The following EHMT1 variants were observed in gnomAD, a reference collection of about 807,000 sequenced individuals.
The protein encoded by EHMT1 is histone-lysine N-methyltransferase EHMT1.
Under a neutral mutation model 147.2 loss-of-function variants are expected in EHMT1, and 15 were observed. The observed-to-expected ratio is 0.10, with a 90% CI of 0.07 to 0.16. The LOEUF (loss-of-function observed/expected upper bound fraction) is 0.16, where lower values mean the gene tolerates loss of function less well. EHMT1 is among the 10% of genes least tolerant of loss of function. The pLI, the probability that EHMT1 is intolerant of heterozygous loss-of-function variation, is 1.00. For missense variants in EHMT1, 1,587 were observed against 1,772.4 expected (o/e 0.90, Z 1.88); for synonymous variants, 795 against 709.6 (o/e 1.12, Z -1.91).
At chr9:137,662,792 A>T (rs1564552899) in intron 1 of EHMT1, among the ~76,000 whole-genome samples, 6 of 140,964 alleles carry the variant, frequency 4.3e-5, no homozygotes, top group Non-Finnish European at 7.6e-5. Context: ...TTATTTATTT[A>T]TTTATTTATT....
chr9:137,665,995 A>G (rs559426077), intron 1 of EHMT1: 2 of 152,380 alleles, frequency 1.3e-5, no homozygotes, highest in South Asian at 2.1e-4. Context: ...GCAGTCAACA[A>G]TTGCACTAAG....
chr9:137,711,582 G>A (rs921463248), intron 2 of EHMT1, among the ~76,000 whole-genome samples: 2 of 152,230 alleles, frequency 1.3e-5, no homozygotes, highest in African/African-American at 4.8e-5. Context: ...GTTACCAGGA[G>A]GTGGAGGGAG....
At position 137,732,707 on chromosome 9, in the gene EHMT1, C is replaced by G. The variant is rs540418014; in HGVS notation, c.823+4178C>G. Among the ~76,000 whole-genome samples, 6 of 152,276 alleles carry G rather than the reference C, an allele frequency of 3.9e-5. No homozygotes were observed. The highest frequency in any genetic ancestry group is 1.4e-4 in the African/African-American group (6 of 41,544). On this transcript the variant is annotated intron_variant, in intron 4 of 26. Transcript: ENST00000460843. This position sits in a 1 kb window ranked among gnomAD's most constrained non-coding sequence, Gnocchi z 4.6. The stretch of plus-strand genomic sequence containing the variant: ...TTTTCAGGCTTCAGGCGGCCTTTGG[C>G]TTGAAGGTCAGGTTTCACCGGGGAC...
At chr9:137,632,101 A>G (rs1001605317) in intron 1 of EHMT1, among the ~76,000 whole-genome samples, 16 of 152,078 alleles carry the variant, frequency 1.1e-4, no homozygotes, top group Non-Finnish European at 1.5e-5. Flanking sequence ...GCAGAAGTGC[A>G]CTCTTTGACG....
intron 2 of EHMT1, among the ~76,000 whole-genome samples, chr9:137,713,524 G>T (rs1231925833): frequency 1.3e-5 from 2 of 151,690 alleles, no homozygotes; most frequent in Non-Finnish European, 2.9e-5. Context: ...ACCCGCCTTG[G>T]CCTCCCAAAG....
Position 137,728,427 on chromosome 9 carries a change from A to G in EHMT1, c.721A>G (p.Ile241Val). Reference protein sequence around the residue: ...KEPKEEINKNISDFGRQQLLP... With the variant: ...KEPKEEINKNVSDFGRQQLLP... ...ACCAAAAGAGGAGATCAACAAAAAC[A>G]TTTCTGACTTTGGACGACAGCAGCT... Residue 241 changes from isoleucine to valine, a missense_variant, in exon 4 of 27, where the codon ATT (isoleucine) becomes GTT (valine). Ile to Val is a conservative substitution (Grantham distance 29, BLOSUM62 3). This residue lies in a region of EHMT1 where 810 missense variants were observed against 673.0 expected (regional missense o/e 1.20). Coordinates refer to ENST00000460843, the MANE Select transcript of EHMT1 (RefSeq NM_024757.5). 6.2e-7 allele frequency: 1 copy of G among 1,614,150 alleles called. No individual in the cohort carries two copies. Among genetic ancestry groups the G allele is most frequent in the Non-Finnish European group, 8.5e-7 (1 of 1,180,038 alleles).
intron 17 of EHMT1, chr9:137,800,473 TC>T: frequency 3.9e-6 from 1 of 256,046 alleles, no homozygotes; most frequent in Non-Finnish European, 7.7e-6. Context: ...AGCCCAGACT[TC>T]CTGCCAGCCA....
chr9:137,622,072 G>C (rs1266531530), intron 1 of EHMT1, among the ~76,000 whole-genome samples: 1 of 150,226 alleles, frequency 6.7e-6, no homozygotes, highest in Admixed American at 6.6e-5. Context: ...CCATTAACTC[G>C]TCATTTAGCA....
chr9:137,760,208 G>C (rs887990643), intron 9 of EHMT1, among the ~76,000 whole-genome samples: 2 of 152,156 alleles, frequency 1.3e-5, no homozygotes, highest in African/African-American at 4.8e-5. Flanking sequence ...GATGTCCCTG[G>C]TAGTTCCACT....
chr9:137,824,889 G>T (rs1371973502), intron 25 of EHMT1, among the ~76,000 whole-genome samples: 1 of 152,186 alleles, frequency 6.6e-6, no homozygotes, highest in Non-Finnish European at 1.5e-5. Flanking sequence ...GTCTGCACAT[G>T]TGGTCACGTC....
At chr9:137,792,985 C>T (rs867258961) in intron 16 of EHMT1, among the ~76,000 whole-genome samples, 8 of 152,306 alleles carry the variant, frequency 5.3e-5, no homozygotes, top group South Asian at 2.1e-4. Flanking sequence ...CGTAGATGAC[C>T]CGCTTCTGGG....
intron 1 of EHMT1, among the ~76,000 whole-genome samples, chr9:137,647,153 G>A (rs1012073798): frequency 5.3e-5 from 8 of 151,974 alleles, no homozygotes; most frequent in Non-Finnish European, 1.2e-4. Flanking sequence ...CGCCTCTTAA[G>A]CCTGACTTCT....
intron 1 of EHMT1, among the ~76,000 whole-genome samples, chr9:137,702,227 G>A (rs905719076): frequency 2.6e-5 from 4 of 152,176 alleles, no homozygotes; most frequent in African/African-American, 9.7e-5. Flanking sequence ...ACACAAATAT[G>A]CCTTCCAGCA....
At chr9:137,754,795 G>T (rs1949249819) in intron 8 of EHMT1, among the ~76,000 whole-genome samples, 1 of 152,214 alleles carries the variant, frequency 6.6e-6, no homozygotes, top group South Asian at 2.1e-4. Flanking sequence ...GGGATTACAG[G>T]TGTGAGCCAC....
intron 17 of EHMT1, among the ~76,000 whole-genome samples, chr9:137,799,784 C>T (rs1953294753): frequency 1.3e-5 from 2 of 152,274 alleles, no homozygotes; most frequent in African/African-American, 4.8e-5. Flanking sequence ...CTGGAAGCAG[C>T]AGCGTCTGTG....
chr9:137,776,452 C>A lies in EHMT1; in HGVS notation c.1792-166C>A. 2 of 652,398 alleles carry A rather than the reference C, an allele frequency of 3.1e-6. No homozygotes were observed. The highest frequency in any genetic ancestry group is 4.2e-4 in the Middle Eastern group (1 of 2,398). 40.4% of individuals were successfully genotyped at this position (652,398 alleles called of 1,614,324 possible). A position where few individuals can be genotyped will look rare whatever the true frequency, so the allele number is the denominator to read the frequency against. ...CGAGAGCACCACGGGAAGCATCGTT[C>A]CTCCTTCTTAACGATGCCTGGGGCC... On this transcript the variant is annotated intron_variant, in intron 11 of 26. Transcript: ENST00000460843. This position sits in a 1 kb window ranked among gnomAD's most constrained non-coding sequence, Gnocchi z 4.4.
At chr9:137,656,812 C>T (rs567115566) in intron 1 of EHMT1, among the ~76,000 whole-genome samples, 1 of 152,266 alleles carries the variant, frequency 6.6e-6, no homozygotes, top group South Asian at 2.1e-4. Flanking sequence ...GCCATCTTGG[C>T]TCACTGCAAC....
rs1004192973 is a variant in EHMT1, at chr9:137,799,375, T to C, written c.2607+461T>C. Among the ~76,000 whole-genome samples the C allele has an allele frequency of 2.9e-4, 44 of 152,172 alleles. 1 individual carries two copies. Among genetic ancestry groups the C allele is most frequent in the Admixed American group, 2.9e-3 (44 of 15,282 alleles). On this transcript the variant is annotated intron_variant, in intron 17 of 26. Coordinates refer to ENST00000460843, the MANE Select transcript of EHMT1 (RefSeq NM_024757.5). ...GGGAGGTGTCACTAGCCTCCCTCCT[T>C]GGCACCCGTCTTCCTTCCTGCTCAT...
intron 3 of EHMT1, among the ~76,000 whole-genome samples, chr9:137,724,287 G>C (rs942514594): frequency 9.3e-5 from 14 of 150,416 alleles, no homozygotes; most frequent in African/African-American, 3.2e-4. Context: ...CCCCCGCCCT[G>C]CCAGGAGGGA....
Sources: allele counts gnomAD v4.1 joint callset (sites outside exome capture counted in the v4.1 genomes callset), GRCh38; gene constraint gnomAD v4.1.1; regional missense constraint gnomAD v4.1.1; non-coding constraint Gnocchi (gnomAD v3.1); transcripts MANE v1.5; gene names NCBI Gene and HGNC (gene_info 2026-07-23, HGNC 2026-07-21).